The following UNC13D variants were observed in gnomAD, a reference collection of about 807,000 sequenced individuals.
UNC13D encodes unc-13 homolog D.
Under a neutral mutation model 151.7 loss-of-function variants are expected in UNC13D, and 115 were observed. The observed-to-expected ratio is 0.76, with a 90% CI of 0.65 to 0.88. UNC13D has a LOEUF of 0.88. UNC13D is among the 40% of genes least tolerant of loss of function. The pLI, the probability that UNC13D is intolerant of heterozygous loss-of-function variation, is 0.00. For missense variants in UNC13D, 1,369 were observed against 1,438.7 expected (o/e 0.95, Z 0.78); for synonymous variants, 588 against 612.2 (o/e 0.96, Z 0.58).
chr17:75,828,908 C>T lies in UNC13D; in HGVS notation c.3030G>A (p.Gly1010=), dbSNP rs767150175. The change falls in exon 31 of 32, where the codon GGG becomes GGA. Residue 1010 remains glycine (G), a synonymous_variant. Coordinates refer to ENST00000207549, the MANE Select transcript of UNC13D (RefSeq NM_199242.3). The stretch of plus-strand genomic sequence containing the variant: ...AGGCCTCGCCTTCCAGGTCGTCGGC[C>T]CCCAGCGTGTCGTAGTCCAGCACGG... ...LLTVLDYDTL[G]ADDLEGEAFL... The T allele has an allele frequency of 1.4e-5, 23 of 1,607,232 alleles. No homozygotes were observed. Among genetic ancestry groups the T allele is most frequent in the Non-Finnish European group, 1.9e-5 (23 of 1,179,728 alleles).
chr17:75,829,439 G>A lies in UNC13D; in HGVS notation c.2955-456C>T, dbSNP rs2062145372. On this transcript the variant is annotated intron_variant, in intron 30 of 31. Coordinates refer to ENST00000207549, the MANE Select transcript of UNC13D (RefSeq NM_199242.3). ...GCCTCCCGAGTAGCTGGGACTGCAGGCGTGTCCCACCACACCCAGCTAATT... is the reference window on the plus strand; with the variant it reads ...GCCTCCCGAGTAGCTGGGACTGCAGACGTGTCCCACCACACCCAGCTAATT... 2.0e-5 allele frequency among the ~76,000 whole-genome samples: 3 copies of A among 151,946 alleles called. No individual in the cohort carries two copies. In the South Asian group the frequency reaches 6.2e-4, roughly 32 times the overall value.
Position 75,836,060 on chromosome 17 carries a change from A to G in UNC13D, c.1496T>C (p.Ile499Thr). ...GCGCTGGCACTGGTGCAGGTCGCCAATGACATCCTGTACCAGGCCCAGCAA... is the reference window on the plus strand; with the variant it reads ...GCGCTGGCACTGGTGCAGGTCGCCAGTGACATCCTGTACCAGGCCCAGCAA... The part of the protein sequence containing the change: ...KALLGLVQDV[I>T]GDLHQCQRTW... Residue 499 changes from isoleucine to threonine, a missense_variant, in exon 17 of 32, where the codon ATT (isoleucine) becomes ACT (threonine). Ile to Thr is a moderately conservative substitution (Grantham distance 89, BLOSUM62 -1). This residue lies in a region of UNC13D where 807 missense variants were observed against 795.5 expected (regional missense o/e 1.01). Coordinates refer to ENST00000207549, the MANE Select transcript of UNC13D (RefSeq NM_199242.3). 1.2e-6 allele frequency: 2 copies of G among 1,613,882 alleles called. No individual in the cohort carries two copies. Among genetic ancestry groups the G allele is most frequent in the South Asian group, 1.1e-5 (1 of 91,088 alleles).
At position 75,843,603 on chromosome 17, in the gene UNC13D, C is replaced by G. The variant is rs2064964983; in HGVS notation, c.118-84G>C. The G allele has an allele frequency of 2.5e-6, 4 of 1,569,758 alleles. No individual in the cohort carries two copies. The Admixed American group carries it at 7.5e-5, about 29-fold the overall frequency. ...AGGAATGGCTCCTCTGAGGCCTGAT[C>G]CAGGCCAAGGGTATGGGGGCCCCAG... On this transcript the variant is annotated intron_variant, in intron 1 of 31. Transcript: ENST00000207549.
Position 75,829,353 on chromosome 17 carries a change from T to C in UNC13D, c.2955-370A>G, listed in dbSNP as rs77351684. On this transcript the variant is annotated intron_variant, in intron 30 of 31. Transcript: ENST00000207549. ...CTCTGTCACCTAGGCTGGAGTGCAG[T>C]GGCGCCATCTTGGCTCACTACAACC... is the stretch of plus-strand genomic sequence containing the variant. Among the ~76,000 whole-genome samples the C allele has an allele frequency of 9.6e-3, 1,456 of 152,292 alleles. 122 individuals carry two copies. In the East Asian group the frequency reaches 0.2, roughly 21 times the overall value.
rs2143870354 is a variant in UNC13D, at chr17:75,832,683, A to G, written c.2447+283T>C. ...AGCACTCAGAGCTAGGCAGCAGGAA[A>G]TGGGGAGGCCTGAGAAGTGGCAAGC... On this transcript the variant is annotated intron_variant, in intron 25 of 31. Transcript: ENST00000207549. The surrounding 1 kb of genome is among the most constrained non-coding windows in gnomAD (Gnocchi z 4.3). The G allele has an allele frequency of 2.6e-6, 1 of 380,672 alleles. No individual in the cohort carries two copies. The highest frequency in any genetic ancestry group is 5.1e-6 in the Non-Finnish European group (1 of 196,962). 23.6% of individuals were successfully genotyped at this position (380,672 alleles called of 1,614,324 possible).
In UNC13D at chr17:75,830,029, A is replaced by G. The variant is rs775943310; in HGVS notation, c.2953T>C (p.Phe985Leu). Residue 985 changes from phenylalanine (F) to leucine (L), a missense_variant and splice_region_variant, in exon 30 of 32, where the codon TTC (phenylalanine) becomes CTC (leucine). Coordinates refer to ENST00000207549, the MANE Select transcript of UNC13D (RefSeq NM_199242.3). ...LHPLFDETFE[F>L]LVPAEPCRKA... is the part of the protein sequence containing the mutation. The stretch of plus-strand genomic sequence containing the variant: ...GGGAGAAGAACGGGACCCACTCACA[A>G]TTCAAAGGTCTCATCAAACAATGGG... 9.5e-6 allele frequency: 15 copies of G among 1,576,692 alleles called. No individual in the cohort carries two copies. In the Admixed American group the frequency reaches 2.8e-4, roughly 29 times the overall value.
intron 16 of UNC13D, 23 bp from the exon 17 acceptor site, chr17:75,836,132 G>A (rs374255590): frequency 6.2e-6 from 10 of 1,612,642 alleles, no homozygotes; most frequent in Non-Finnish European, 7.6e-6. Flanking sequence ...AGGTGGGCTG[G>A]GCAGGGCTGC....
intron 12 of UNC13D, among the ~76,000 whole-genome samples, chr17:75,838,882 T>C (rs573420944): frequency 2.0e-4 from 30 of 150,086 alleles, no homozygotes; most frequent in South Asian, 1.1e-3. Context: ...GGGCGGATCA[T>C]GAGGTCAGGA....
Position 75,835,081 on chromosome 17 carries a change from G to A in UNC13D, c.1849-18C>T. 6.2e-7 allele frequency: 1 copy of A among 1,613,436 alleles called. No homozygotes were observed. The highest frequency in any genetic ancestry group is 8.5e-7 in the Non-Finnish European group (1 of 1,179,966). On this transcript the variant is annotated intron_variant, in intron 20 of 31. Transcript: ENST00000207549. ...GGCACCAGCTGGGGGAAGAAAGGAG[G>A]ACTCAGGATACTGCCAAATCCACCC... is the stretch of plus-strand genomic sequence containing the variant.
At chr17:75,835,583 G>A in intron 19 of UNC13D, 54 bp from the exon 20 acceptor site, 1 of 1,610,246 alleles carries the variant, frequency 6.2e-7, no homozygotes, top group Non-Finnish European at 8.5e-7. Flanking sequence ...ATGGACCCTG[G>A]GGCCTCGTCC....
intron 25 of UNC13D, 94 bp from the exon 26 acceptor site, chr17:75,831,442 A>C: frequency 8.9e-7 from 1 of 1,117,510 alleles, no homozygotes. Flanking sequence ...GGCCTCAGTG[A>C]CCCAGCCCCA....
At position 75,839,846 on chromosome 17, in the gene UNC13D, A is replaced by C. The variant is rs1364911644; in HGVS notation, c.1048T>G (p.Ser350Ala). ...TQKDLSDFHQ[S>A]MAQWLAYSRL... is the part of the protein sequence containing the mutation. ...CCAGGGCTGTGTACTCACGCCATGG[A>C]CTGGTGGAAGTCGGATAGGTCCTTC... Residue 350 changes from serine to alanine, a missense_variant, in exon 12 of 32, where the codon TCC becomes GCC. By Grantham distance (99) the Ser-to-Ala change is moderately conservative. Coordinates refer to ENST00000207549, the MANE Select transcript of UNC13D (RefSeq NM_199242.3). The C allele has an allele frequency of 1.9e-6, 3 of 1,613,568 alleles. No individual in the cohort carries two copies. The African/African-American group carries it at 4.0e-5, about 22-fold the overall frequency.
chr17:75,832,993 G>A lies in UNC13D; in HGVS notation c.2420C>T (p.Thr807Ile), dbSNP rs1339059520. The A allele has an allele frequency of 6.3e-7, 1 of 1,599,132 alleles. No individual in the cohort carries two copies. Among genetic ancestry groups the A allele is most frequent in the East Asian group, 2.3e-5 (1 of 44,408 alleles). The change falls in exon 25 of 32, where the codon ACC (threonine) becomes ATC (isoleucine). Residue 807 changes from threonine (T) to isoleucine (I), a missense_variant. Thr to Ile is a moderately conservative substitution (Grantham distance 89). This residue lies in a region of UNC13D where 807 missense variants were observed against 795.5 expected (regional missense o/e 1.01). Transcript: ENST00000207549. The surrounding 1 kb of genome is among the most constrained non-coding windows in gnomAD (Gnocchi z 4.3). ...GCTGAAGTTCTCCTGCACCAAGTTG[G>A]TGTTCATGTAGCAAAGCTCCACCTC... ...FLEVELCYMNTNLVQENFSSL... is the reference protein window; with the variant it reads ...FLEVELCYMNINLVQENFSSL...
chr17:75,843,911 A>G (rs2143903467), intron 1 of UNC13D: 1 of 1,376,282 alleles, frequency 7.3e-7, no homozygotes, highest in East Asian at 2.8e-5. Context: ...ACCCCACAGC[A>G]GGGACACCCC....
rs907649383 is a variant in UNC13D at position 75,827,474 on chromosome 17, T to C, written c.*491A>G. 13 of 1,475,188 alleles carry C rather than the reference T, an allele frequency of 8.8e-6. No individual in the cohort carries two copies. In the Admixed American group the frequency reaches 2.3e-4, roughly 27 times the overall value. The allele number at this position is 1,475,188 out of a possible 1,614,324, so 91.4% of individuals were successfully genotyped here. ...GGGAGAGGACCCAGGCCCCCTCTAGTAATGGCCACCACCCTCCCCCCAGGG... is the reference window on the plus strand; with the variant it reads ...GGGAGAGGACCCAGGCCCCCTCTAGCAATGGCCACCACCCTCCCCCCAGGG... On this transcript the variant is annotated 3_prime_UTR_variant, in exon 32 of 32. Transcript: ENST00000207549.
chr17:75,843,484 C>G lies in UNC13D; in HGVS notation c.153G>C (p.Gln51His), dbSNP rs139726111. Residue 51 changes from glutamine (Q) to histidine (H), a missense_variant and splice_region_variant, in exon 2 of 32, where the codon CAG (glutamine) becomes CAC (histidine). Coordinates refer to ENST00000207549, the MANE Select transcript of UNC13D (RefSeq NM_199242.3). ...TGCACCCCAGCACTCTGACTCTTAC[C>G]TGCTCGGGGGAGAAGTGGTGGGATG... ...QPPSHHFSPE[Q>H]RALLYEDALY... 6.2e-7 allele frequency: 1 copy of G among 1,609,708 alleles called. No homozygotes were observed. Among genetic ancestry groups the G allele is most frequent in the African/African-American group, 1.3e-5 (1 of 74,886 alleles).
chr17:75,834,362 T>C lies in UNC13D; in HGVS notation c.2261A>G (p.His754Arg). Residue 754 changes from histidine (H) to arginine (R), a missense_variant, in exon 23 of 32, where the codon CAT becomes CGT. Physicochemically the swap from His to Arg is conservative, Grantham distance 29 (BLOSUM62 0). This residue lies in a region of UNC13D where 807 missense variants were observed against 795.5 expected (regional missense o/e 1.01). Coordinates refer to ENST00000207549, the MANE Select transcript of UNC13D (RefSeq NM_199242.3). ...QLQSALAGLGHEIRTGVRTLA... is the reference protein window; with the variant it reads ...QLQSALAGLGREIRTGVRTLA... ...GGTGCGGACGCCAGTGCGGATCTCA[T>C]GGCCCAGCCCGGCCAGCGCGCTCTG... 6.3e-7 allele frequency: 1 copy of C among 1,594,818 alleles called. No homozygotes were observed. Among genetic ancestry groups the C allele is most frequent in the Non-Finnish European group, 8.5e-7 (1 of 1,178,826 alleles).
At chr17:75,830,705 A>G in intron 27 of UNC13D, 44 bp from the exon 28 acceptor site, 2 of 1,550,172 alleles carry the variant, frequency 1.3e-6, no homozygotes, top group Non-Finnish European at 1.7e-6. Context: ...CTGCACGCCC[A>G]ACCACAGCCC....
At position 75,836,547 on chromosome 17, in the gene UNC13D, G is replaced by C. The variant is rs201883940; in HGVS notation, c.1298+25C>G. 1.4e-5 allele frequency: 23 copies of C among 1,613,142 alleles called. No individual in the cohort carries two copies. In the Middle Eastern group the frequency reaches 4.9e-4, roughly 35 times the overall value. ...CTGCTCCCTCATCCCTGACCCCACC[G>C]AGGAAGAGGAAGGCAGCCACTGACC... On this transcript the variant is annotated intron_variant, in intron 14 of 31. Transcript: ENST00000207549.
Sources: gnomAD v4.1 joint callset for allele counts (sites outside exome capture counted in the v4.1 genomes callset) on GRCh38, gnomAD v4.1.1 for gene constraint, gnomAD v4.1.1 regional missense constraint, Gnocchi (gnomAD v3.1) non-coding constraint, MANE v1.5 for transcripts, NCBI Gene and HGNC (gene_info 2026-07-23, HGNC 2026-07-21) for gene names.